ERC2: variants seen among roughly 807,000 people sequenced by gnomAD.
ERC2 encodes ELKS/RAB6-interacting/CAST family member 2.
In ERC2, 42 loss-of-function variants were observed where a neutral mutation model predicts 114.8. The ratio of observed to expected loss-of-function variants is 0.37; its 90% CI spans 0.29 to 0.47. The LOEUF is 0.47. ERC2 is among the 20% of genes least tolerant of loss of function. ERC2 has a pLI of 0.99. For missense variants in ERC2, 939 were observed against 1,150.7 expected (o/e 0.82, Z 2.66); for synonymous variants, 454 against 425.5 (o/e 1.07, Z -0.82).
At chr3:56,369,833 C>T (rs1018314002) in intron 2 of ERC2, among the ~76,000 whole-genome samples, 7 of 152,264 alleles carry the variant, frequency 4.6e-5, no homozygotes, top group South Asian at 4.2e-4. Flanking sequence ...CACGCCATCA[C>T]GCCCGGCTAA....
chr3:55,616,046 G>A (rs2059111544), intron 17 of ERC2, among the ~76,000 whole-genome samples: 1 of 152,174 alleles, frequency 6.6e-6, no homozygotes, highest in African/African-American at 2.4e-5. Flanking sequence ...TCACTCTAGT[G>A]TCTCAGGCTG....
At chr3:56,095,483 C>A (rs376534293) in intron 6 of ERC2, among the ~76,000 whole-genome samples, 2 of 152,158 alleles carry the variant, frequency 1.3e-5, no homozygotes, top group African/African-American at 4.8e-5. Context: ...GTATGTCTAA[C>A]ATGTTTCCAA....
At chr3:56,010,622 G>GAACC (rs2072845778) in intron 8 of ERC2, 33 bp from the exon 9 acceptor site, 1 of 1,604,898 alleles carries the variant, frequency 6.2e-7, no homozygotes, top group African/African-American at 1.3e-5. Context: ...GAAGAGGTGA[G>GAACC]AACCCATCAG....
At chr3:55,752,595 T>C (rs956940738) in intron 14 of ERC2, among the ~76,000 whole-genome samples, 1 of 152,170 alleles carries the variant, frequency 6.6e-6, no homozygotes, top group Non-Finnish European at 1.5e-5. Flanking sequence ...TGCCAAAGAC[T>C]ATACCATTCT....
intron 17 of ERC2, among the ~76,000 whole-genome samples, chr3:55,636,564 A>T (rs547685227): frequency 6.6e-6 from 1 of 152,322 alleles, no homozygotes; most frequent in South Asian, 2.1e-4. Context: ...TCGATGACTG[A>T]ATCTCTTCCT....
At chr3:55,818,457 C>T (rs1344736275) in intron 14 of ERC2, among the ~76,000 whole-genome samples, 3 of 152,216 alleles carry the variant, frequency 2.0e-5, no homozygotes, top group Admixed American at 2.0e-4. Flanking sequence ...AATGCTATTA[C>T]ACTGATAAGA....
At chr3:56,433,167 A>G (rs1332585586) in intron 2 of ERC2, among the ~76,000 whole-genome samples, 4 of 133,282 alleles carry the variant, frequency 3.0e-5, no homozygotes, top group African/African-American at 1.2e-4. Flanking sequence ...CAACAGCAAG[A>G]CCCTGTCTCT....
At chr3:55,926,840 T>C (rs946284571) in intron 13 of ERC2, among the ~76,000 whole-genome samples, 1 of 152,214 alleles carries the variant, frequency 6.6e-6, no homozygotes, top group Non-Finnish European at 1.5e-5. Context: ...ATGGGGGTCA[T>C]GTAATCTTCT....
At chr3:56,365,763 G>A (rs2059126356) in intron 2 of ERC2, among the ~76,000 whole-genome samples, 1 of 152,184 alleles carries the variant, frequency 6.6e-6, no homozygotes, top group South Asian at 2.1e-4. Flanking sequence ...TATTACCTAT[G>A]TCTGCTTTCA....
At chr3:55,564,580 T>C (rs1239869355) in intron 17 of ERC2, among the ~76,000 whole-genome samples, 1 of 152,214 alleles carries the variant, frequency 6.6e-6, no homozygotes, top group African/African-American at 2.4e-5. Flanking sequence ...TTCTTAGTTA[T>C]AGAGTTTGTT....
chr3:55,958,720 G>C (rs75431195), intron 12 of ERC2, among the ~76,000 whole-genome samples: 1 of 152,222 alleles, frequency 6.6e-6, no homozygotes, highest in Non-Finnish European at 1.5e-5. Context: ...CTGAGCATGC[G>C]CGCACCTGGC....
At chr3:56,304,169 A>C (rs2056076224) in intron 2 of ERC2, among the ~76,000 whole-genome samples, 1 of 152,228 alleles carries the variant, frequency 6.6e-6, no homozygotes, top group African/African-American at 2.4e-5. Flanking sequence ...AGATGGGGTA[A>C]GAAAAAAGAG....
chr3:55,811,549 C>T (rs1433992478), intron 14 of ERC2, among the ~76,000 whole-genome samples: 1 of 152,202 alleles, frequency 6.6e-6, no homozygotes, highest in African/African-American at 2.4e-5. Flanking sequence ...TTACCTGAGC[C>T]TTACACAGAT....
chr3:56,040,636 A>G (rs1337624778), intron 7 of ERC2, among the ~76,000 whole-genome samples: 2 of 139,044 alleles, frequency 1.4e-5, no homozygotes, highest in Admixed American at 7.2e-5. Context: ...ATGTATATAT[A>G]CATATATAGA....
intron 17 of ERC2, among the ~76,000 whole-genome samples, chr3:55,517,464 A>AAAG (rs1297771342): frequency 6.6e-6 from 1 of 150,472 alleles, no homozygotes; most frequent in African/African-American, 2.4e-5. Context: ...AAAAAAAAAA[A>AAAG]AAAAAATTAT....
chr3:55,610,912 C>T (rs1395039619), intron 17 of ERC2: 1 of 152,210 alleles, frequency 6.6e-6, no homozygotes, highest in East Asian at 1.9e-4. Context: ...CAGCTTCTCA[C>T]TTTCACAAGT....
chr3:55,880,442 G>A (rs2063062936), intron 14 of ERC2, among the ~76,000 whole-genome samples: 2 of 152,172 alleles, frequency 1.3e-5, no homozygotes, highest in Admixed American at 6.5e-5. Flanking sequence ...CAACTTCAGA[G>A]TTAAAAGAAG....
chr3:55,962,441 C>T (rs1000039553), intron 12 of ERC2, among the ~76,000 whole-genome samples: 1 of 152,196 alleles, frequency 6.6e-6, no homozygotes, highest in Admixed American at 6.5e-5. Flanking sequence ...ACAATATATA[C>T]ATTAATATAT....
At chr3:55,691,623 C>CT (rs1379896864) in intron 16 of ERC2, among the ~76,000 whole-genome samples, 1 of 130,612 alleles carries the variant, frequency 7.7e-6, no homozygotes, top group Non-Finnish European at 1.6e-5. Context: ...TCTGGGCAAG[C>CT]TTTAGACATA....
Sources: gnomAD v4.1 joint callset for allele counts (sites outside exome capture counted in the v4.1 genomes callset) on GRCh38, gnomAD v4.1.1 for gene constraint, MANE v1.5 for transcripts, NCBI Gene and HGNC (gene_info 2026-07-23, HGNC 2026-07-21) for gene names.